Variants in ZCCHC14 observed in about 807,000 individuals in gnomAD.
ZCCHC14 encodes the protein zinc finger CCHC domain-containing protein 14.
ZCCHC14 carries 16 observed loss-of-function variants against 85.0 expected under a neutral mutation model. The ratio of observed to expected loss-of-function variants is 0.19; its 90% CI spans 0.13 to 0.29. The LOEUF is 0.29. ZCCHC14 is among the 10% of genes least tolerant of loss of function. The pLI is 1.00. For synonymous variants in ZCCHC14, 775 were observed against 630.7 expected (o/e 1.23, Z -3.43); for missense variants, 1,303 against 1,443.5 (o/e 0.90, Z 1.58).
At position 87,412,870 on chromosome 16, in the gene ZCCHC14, C is replaced by A; in HGVS notation, c.1851G>T (p.Gln617His). The A allele has an allele frequency of 6.2e-7, 1 of 1,607,390 alleles. No homozygotes were observed. Among genetic ancestry groups the A allele is most frequent in the South Asian group, 1.1e-5 (1 of 90,058 alleles). Residue 617 changes from glutamine (Q) to histidine (H), a missense_variant, in exon 12 of 13, where the codon CAG becomes CAT. Gln to His is a conservative substitution (Grantham distance 24). Transcript: ENST00000671377. ...ARPTAQVLPVQNEASSNPSGH... is the reference protein window; with the variant it reads ...ARPTAQVLPVHNEASSNPSGH... ...CTGATGGATTGGAGCTGGCCTCATTCTGCACAGGGAGAACCTGGGCCGTGG... is the reference window on the plus strand; with the variant it reads ...CTGATGGATTGGAGCTGGCCTCATTATGCACAGGGAGAACCTGGGCCGTGG...
At position 87,420,908 on chromosome 16, in the gene ZCCHC14, G is replaced by A. The variant is rs889033003; in HGVS notation, c.841-192C>T. 6.6e-6 allele frequency among the ~76,000 whole-genome samples: 1 copy of A among 152,180 alleles called. No homozygotes were observed. The highest frequency in any genetic ancestry group is 2.4e-5 in the African/African-American group (1 of 41,456). On this transcript the variant is annotated intron_variant, in intron 4 of 12. Transcript: ENST00000671377. The surrounding 1 kb of genome is among the most constrained non-coding windows in gnomAD (Gnocchi z 5.0). ...GTGTAGAAAGTCACAAAAGAACATC[G>A]CTCTCACAGTTACATCCGGAAAAGC...
intron 2 of ZCCHC14, among the ~76,000 whole-genome samples, chr16:87,441,534 C>T (rs892061454): frequency 2.6e-5 from 4 of 152,126 alleles, no homozygotes; most frequent in African/African-American, 4.8e-5. Flanking sequence ...AAACTCCTCT[C>T]CAACATAAAC....
Position 87,411,646 on chromosome 16 carries a change from G to C in ZCCHC14, c.3075C>G (p.Thr1025=), listed in dbSNP as rs1479130028. 1 of 1,613,820 alleles carries C rather than the reference G, an allele frequency of 6.2e-7. No individual in the cohort carries two copies. Among genetic ancestry groups the C allele is most frequent in the Non-Finnish European group, 8.5e-7 (1 of 1,179,978 alleles). Residue 1025 remains threonine, a synonymous_variant, in exon 12 of 13, where the codon ACC becomes ACG. Coordinates refer to ENST00000671377, the MANE Select transcript of ZCCHC14 (RefSeq NM_015144.3). Reference sequence around the variant, plus strand: ...CATTGCTACTGCCCACCAGTCCTTGGGTCTGGTACACCCCTGCTGTCCCTG... The same window carrying C: ...CATTGCTACTGCCCACCAGTCCTTGCGTCTGGTACACCCCTGCTGTCCCTG... ...FMAGTAGVYQ[T]QGLVGSSNGS...
chr16:87,432,105 A>T (rs1440411834), intron 3 of ZCCHC14, among the ~76,000 whole-genome samples: 2 of 152,208 alleles, frequency 1.3e-5, no homozygotes, highest in Non-Finnish European at 2.9e-5. Context: ...AAAAATTAGT[A>T]AGCTGCACAG....
At chr16:87,488,880 G>A (rs1366431869) in intron 1 of ZCCHC14, among the ~76,000 whole-genome samples, 2 of 152,162 alleles carry the variant, frequency 1.3e-5, no homozygotes. Flanking sequence ...GCCAGGCCAA[G>A]AAATAAAAAT....
chr16:87,410,972 A>T (rs1238826954), intron 12 of ZCCHC14, among the ~76,000 whole-genome samples: 1 of 152,258 alleles, frequency 6.6e-6, no homozygotes, highest in Non-Finnish European at 1.5e-5. Context: ...GACAGCAAGA[A>T]GAACCCTATT....
chr16:87,445,415 T>A (rs942252317), intron 2 of ZCCHC14, among the ~76,000 whole-genome samples: 1 of 152,188 alleles, frequency 6.6e-6, no homozygotes, highest in Non-Finnish European at 1.5e-5. Flanking sequence ...GTGTGTACCA[T>A]CAGAAGAAAG....
intron 2 of ZCCHC14, among the ~76,000 whole-genome samples, chr16:87,444,903 A>G (rs1910359387): frequency 6.6e-6 from 1 of 152,124 alleles, no homozygotes. Flanking sequence ...CTCAATGCCA[A>G]CTTCCTGATC....
intron 1 of ZCCHC14, chr16:87,467,359 C>A: frequency 6.3e-7 from 1 of 1,597,624 alleles, no homozygotes. Context: ...CTCTGCACCC[C>A]TGGGGTAATT....
At chr16:87,471,178 A>T (rs898872068) in intron 1 of ZCCHC14, 1 of 152,240 alleles carries the variant, frequency 6.6e-6, no homozygotes, top group African/African-American at 2.4e-5. Flanking sequence ...ACCTCTATAC[A>T]GGAAGGAGTA....
chr16:87,434,884 G>A (rs1159400928), intron 2 of ZCCHC14, among the ~76,000 whole-genome samples: 5 of 151,070 alleles, frequency 3.3e-5, no homozygotes, highest in Non-Finnish European at 2.9e-5. Context: ...CCAGCTACTC[G>A]GGAGGCTGAG....
At chr16:87,448,945 C>A (rs928361767) in intron 2 of ZCCHC14, among the ~76,000 whole-genome samples, 1 of 152,194 alleles carries the variant, frequency 6.6e-6, no homozygotes, top group Admixed American at 6.5e-5. Context: ...AGACTCACTG[C>A]GGACATCAGA....
At chr16:87,467,360 TG>T in intron 1 of ZCCHC14, 1 of 1,597,266 alleles carries the variant, frequency 6.3e-7, no homozygotes, top group Non-Finnish European at 8.6e-7. Flanking sequence ...TCTGCACCCC[TG>T]GGGTAATTAA....
At chr16:87,432,221 AAGGAGAATGTCCCCCTGTC>A (rs1909697944) in intron 3 of ZCCHC14, among the ~76,000 whole-genome samples, 2 of 152,156 alleles carry the variant, frequency 1.3e-5, no homozygotes, top group Admixed American at 1.3e-4. Flanking sequence ...CATGTGGTCC[AAGGAGAATGTCCCCCTGTC>A]AGGGTTCCTG....
At chr16:87,447,837 G>A (rs1910515976) in intron 2 of ZCCHC14, among the ~76,000 whole-genome samples, 1 of 152,170 alleles carries the variant, frequency 6.6e-6, no homozygotes, top group Non-Finnish European at 1.5e-5. Context: ...GAAAGCTCCA[G>A]CTGCTTCTGA....
At chr16:87,464,578 G>C (rs1311167484) in intron 1 of ZCCHC14, among the ~76,000 whole-genome samples, 2 of 152,146 alleles carry the variant, frequency 1.3e-5, no homozygotes, top group African/African-American at 4.8e-5. Flanking sequence ...AGCCACCCTA[G>C]CAAAACACAC....
chr16:87,415,139 T>C, intron 9 of ZCCHC14, 137 bp downstream of exon 9: 1 of 618,250 alleles, frequency 1.6e-6, no homozygotes, highest in Non-Finnish European at 2.8e-6. Context: ...TAAAAATAAA[T>C]AAAAGCATGG....
intron 3 of ZCCHC14, among the ~76,000 whole-genome samples, chr16:87,432,744 T>A (rs779388201): frequency 2.0e-5 from 3 of 152,128 alleles, no homozygotes; most frequent in Non-Finnish European, 4.4e-5. Context: ...AACGTGTCAG[T>A]TTAAGGAGCG....
chr16:87,423,885 A>G lies in ZCCHC14; in HGVS notation c.769-4T>C. The G allele has an allele frequency of 1.2e-6, 2 of 1,613,872 alleles. No homozygotes were observed. The highest frequency in any genetic ancestry group is 2.2e-5 in the East Asian group (1 of 44,874). On this transcript the variant is annotated splice_region_variant and splice_polypyrimidine_tract_variant and intron_variant, in intron 3 of 12. Coordinates refer to ENST00000671377, the MANE Select transcript of ZCCHC14 (RefSeq NM_015144.3). The stretch of plus-strand genomic sequence containing the variant: ...TTGAAGAATCAGACCACAAGACCTT[A>G]AAAACAAACAAACAAACAAACCTTA...
Sources: gnomAD v4.1 joint callset for allele counts (sites outside exome capture counted in the v4.1 genomes callset) on GRCh38, gnomAD v4.1.1 for gene constraint, Gnocchi (gnomAD v3.1) non-coding constraint, MANE v1.5 for transcripts, NCBI Gene and HGNC (gene_info 2026-07-23, HGNC 2026-07-21) for gene names.